The following NSF variants were observed in gnomAD, a reference collection of about 807,000 sequenced individuals.
NSF encodes N-ethylmaleimide sensitive factor, vesicle fusing ATPase, also known as vesicle-fusing ATPase.
In NSF, 14 loss-of-function variants were observed where a neutral mutation model predicts 50.3. The ratio of observed to expected loss-of-function variants is 0.28; its 90% CI spans 0.18 to 0.44. NSF has a LOEUF of 0.44. Among genes scored for constraint, NSF ranks in the 20% least tolerant of loss-of-function variants. The pLI, the probability that NSF is intolerant of heterozygous loss-of-function variation, is 1.00. For missense variants in NSF, 218 were observed against 504.3 expected (o/e 0.43, Z 5.44); for synonymous variants, 109 against 175.7 (o/e 0.62, Z 3.00).
At chr17:46,752,949 A>G (rs886730927) in intron 19 of NSF, among the ~76,000 whole-genome samples, 1 of 151,884 alleles carries the variant, frequency 6.6e-6, no homozygotes, top group Non-Finnish European at 1.5e-5. Context: ...TTGTATTTTT[A>G]GTAGAGATGG....
chr17:46,722,604 T>C (rs547588965), intron 15 of NSF, among the ~76,000 whole-genome samples: 5 of 152,148 alleles, frequency 3.3e-5, no homozygotes, highest in Non-Finnish European at 5.9e-5. Flanking sequence ...GAGTATCTTC[T>C]TAGTGAGAAT....
chr17:46,599,961 T>A (rs1168929638), intron 1 of NSF, among the ~76,000 whole-genome samples: 2 of 123,998 alleles, frequency 1.6e-5, no homozygotes, highest in Non-Finnish European at 3.2e-5. Flanking sequence ...TAGTTTTATT[T>A]AAAAATTTTT....
chr17:46,745,921 GTAT>G (rs921645070), intron 17 of NSF, among the ~76,000 whole-genome samples: 9 of 152,222 alleles, frequency 5.9e-5, no homozygotes, highest in African/African-American at 2.2e-4. Context: ...TTGGACTTAG[GTAT>G]TTCTGTTCCT....
chr17:46,707,926 G>A (rs922412320), intron 13 of NSF, among the ~76,000 whole-genome samples: 1 of 152,000 alleles, frequency 6.6e-6, no homozygotes, highest in African/African-American at 2.4e-5. Flanking sequence ...CCAGCTACTC[G>A]GGAGGCTGAG....
chr17:46,735,284 C>T (rs1334516575), intron 17 of NSF, among the ~76,000 whole-genome samples: 1 of 151,910 alleles, frequency 6.6e-6, no homozygotes, highest in Non-Finnish European at 1.5e-5. Flanking sequence ...AGTGTTGAGA[C>T]GAAATATTTT....
At chr17:46,724,544 C>T (rs2146288501) in intron 15 of NSF, among the ~76,000 whole-genome samples, 1 of 152,254 alleles carries the variant, frequency 6.6e-6, no homozygotes, top group South Asian at 2.1e-4. Flanking sequence ...AAGCAAGCCC[C>T]ATAGTTATGC....
chr17:46,625,915 C>T (rs1304323854), intron 2 of NSF, among the ~76,000 whole-genome samples: 2 of 133,574 alleles, frequency 1.5e-5, no homozygotes, highest in African/African-American at 6.0e-5. Context: ...GATACTGCTG[C>T]TGCATAACAG....
chr17:46,743,994 T>C (rs1166927745), intron 17 of NSF, among the ~76,000 whole-genome samples: 2 of 152,184 alleles, frequency 1.3e-5, no homozygotes, highest in Admixed American at 6.5e-5. Flanking sequence ...TGTCCCTTCT[T>C]TTCAAGGGCC....
chr17:46,687,409 A>C (rs199460), intron 9 of NSF, among the ~76,000 whole-genome samples: 39,505 of 150,092 alleles, frequency 0.26, 3,597 homozygotes, highest in East Asian at 0.61. Context: ...AACAAACAAA[A>C]AAAATTCCCT....
intron 8 of NSF, among the ~76,000 whole-genome samples, chr17:46,673,909 GGGT>G (rs549639518): frequency 0.34 from 3,167 of 9,284 alleles, 1,441 homozygotes; most frequent in Non-Finnish European, 0.65. Context: ...TATTCCATGG[GGGT>G]GTGTGTGTGT....
chr17:46,740,052 G>A (rs1385195636), intron 17 of NSF, among the ~76,000 whole-genome samples: 3 of 152,186 alleles, frequency 2.0e-5, no homozygotes, highest in Non-Finnish European at 4.4e-5. Flanking sequence ...CCTGGGCACT[G>A]TGTCTAGTGG....
chr17:46,657,602 T>C (rs1334676215), intron 8 of NSF, among the ~76,000 whole-genome samples: 2 of 127,280 alleles, frequency 1.6e-5, no homozygotes, highest in African/African-American at 6.0e-5. Context: ...ATTCTTCAAG[T>C]TTCAGCTTGA....
intron 17 of NSF, among the ~76,000 whole-genome samples, chr17:46,731,907 CCTT>C (rs1403255346): frequency 1.3e-5 from 2 of 152,114 alleles, no homozygotes; most frequent in Non-Finnish European, 2.9e-5. Flanking sequence ...TGTCATACCA[CCTT>C]GCTTTTTAAA....
chr17:46,625,898 A>T (rs2058093963), intron 2 of NSF, among the ~76,000 whole-genome samples: 1 of 134,864 alleles, frequency 7.4e-6, no homozygotes, highest in Admixed American at 7.5e-5. Flanking sequence ...AAAAAAAAAA[A>T]AAAAAAGATA....
chr17:46,731,420 T>C (rs2058947651), intron 17 of NSF, among the ~76,000 whole-genome samples: 1 of 152,136 alleles, frequency 6.6e-6, no homozygotes, highest in Non-Finnish European at 1.5e-5. Flanking sequence ...TTGATTTTGG[T>C]GGTGTTGTGT....
intron 19 of NSF, among the ~76,000 whole-genome samples, chr17:46,753,780 A>C (rs1037081772): frequency 7.9e-5 from 12 of 152,318 alleles, no homozygotes; most frequent in African/African-American, 2.9e-4. Flanking sequence ...CTGACATTTC[A>C]TAGGCCTCTG....
intron 15 of NSF, among the ~76,000 whole-genome samples, chr17:46,715,156 G>A (rs1195162227): frequency 6.6e-6 from 1 of 152,190 alleles, no homozygotes; most frequent in Non-Finnish European, 1.5e-5. Context: ...AGAGTCCAGA[G>A]AAATACATAA....
chr17:46,659,288 AG>A (rs1275075794), intron 8 of NSF, among the ~76,000 whole-genome samples: 1 of 45,590 alleles, frequency 2.2e-5, no homozygotes, highest in East Asian at 7.8e-4. Flanking sequence ...CACATATGTC[AG>A]TGGTTATAAT....
Position 46,755,825 on chromosome 17 carries a change from A to G in NSF, c.*2A>G. The G allele has an allele frequency of 6.2e-7, 1 of 1,612,196 alleles. No individual in the cohort carries two copies. Among genetic ancestry groups the G allele is most frequent in the Non-Finnish European group, 8.5e-7 (1 of 1,179,696 alleles). On this transcript the variant is annotated 3_prime_UTR_variant, in exon 21 of 21. Transcript: ENST00000398238. ...AGTAGCCCCCTTGATTTTGATTGAA[A>G]ATGAACTATTTGAAACACACAGTGA...
Sources: gnomAD v4.1 joint callset for allele counts (sites outside exome capture counted in the v4.1 genomes callset) on GRCh38, gnomAD v4.1.1 for gene constraint, MANE v1.5 for transcripts, NCBI Gene and HGNC (gene_info 2026-07-23, HGNC 2026-07-21) for gene names.